The following PIK3C2A variants were observed in gnomAD, a reference collection of about 807,000 sequenced individuals.
PIK3C2A encodes the protein phosphatidylinositol 4-phosphate 3-kinase C2 domain-containing subunit alpha.
A neutral mutation model predicts 204.5 loss-of-function variants in PIK3C2A; 97 were observed. The ratio of observed to expected loss-of-function variants is 0.47; its 90% CI spans 0.40 to 0.56. The LOEUF (loss-of-function observed/expected upper bound fraction) is 0.56, where lower values mean the gene tolerates loss of function less well. Among genes scored for constraint, PIK3C2A ranks in the 20% least tolerant of loss-of-function variants. The probability of loss-of-function intolerance (pLI) is 0.00; values close to 1 mark genes in which losing one functional copy is unlikely to be tolerated. For missense variants in PIK3C2A, 1,735 were observed against 1,969.2 expected (o/e 0.88, Z 2.25); for synonymous variants, 653 against 664.4 (o/e 0.98, Z 0.26).
At chr11:17,097,295 T>G (rs1331313857) in intron 26 of PIK3C2A, 31 bp from the exon 27 acceptor site, 3 of 1,357,612 alleles carry the variant, frequency 2.2e-6, no homozygotes, top group Non-Finnish European at 3.2e-6. Context: ...TCGTTAACAG[T>G]AAATGAGAAC....
chr11:17,155,614 T>A lies in PIK3C2A; in HGVS notation c.1081A>T (p.Thr361Ser). The A allele has an allele frequency of 1.2e-6, 2 of 1,600,280 alleles. No individual in the cohort carries two copies. The highest frequency in any genetic ancestry group is 1.7e-6 in the Non-Finnish European group (2 of 1,168,814). Residue 361 changes from threonine (T) to serine (S), a missense_variant, in exon 3 of 33, where the codon ACC (threonine) becomes TCC (serine). By Grantham distance (58) the Thr-to-Ser change is moderately conservative (BLOSUM62 1). Coordinates refer to ENST00000691414, the MANE Select transcript of PIK3C2A (RefSeq NM_002645.4). The part of the protein sequence containing the change: ...GHISQKDPNG[T>S]SSLPTGSSLL... ...GAACTTCCAGTTGGCAAACTACTGG[T>A]CCCATTTGGGTCTTTCTGTAATTAA... is the stretch of plus-strand genomic sequence containing the variant.
chr11:17,192,187 A>T (rs1364872750), intron 1 of PIK3C2A, among the ~76,000 whole-genome samples: 1 of 152,062 alleles, frequency 6.6e-6, no homozygotes, highest in East Asian at 1.9e-4. Context: ...ATAGAAACAT[A>T]TGGATCCTCT....
At position 17,169,650 on chromosome 11, in the gene PIK3C2A, G is replaced by A. The variant is rs1411266460; in HGVS notation, c.92C>T (p.Ala31Val). The part of the protein sequence containing the change: ...TRAKDVDKEE[A>V]LQMEAEALAK... The stretch of plus-strand genomic sequence containing the variant: ...TAAAGCCTCTGCTTCCATCTGTAAT[G>A]CTTCTTCTTTGTCCACATCTTTTGC... Residue 31 changes from alanine to valine, a missense_variant, in exon 2 of 33, where the codon GCA becomes GTA. Physicochemically the swap from Ala to Val is moderately conservative, Grantham distance 64. Transcript: ENST00000691414. 1 of 1,613,300 alleles carries A rather than the reference G, an allele frequency of 6.2e-7. No individual in the cohort carries two copies. Among genetic ancestry groups the A allele is most frequent in the Non-Finnish European group, 8.5e-7 (1 of 1,179,932 alleles).
intron 5 of PIK3C2A, 76 bp from the exon 6 acceptor site, chr11:17,147,704 A>T: frequency 2.8e-6 from 2 of 718,384 alleles, no homozygotes; most frequent in Non-Finnish European, 4.8e-6. Context: ...TTTAAATTGC[A>T]CCTGCATCAG....
intron 3 of PIK3C2A, among the ~76,000 whole-genome samples, chr11:17,153,189 T>C (rs1296414459): frequency 2.6e-5 from 4 of 152,134 alleles, no homozygotes; most frequent in Non-Finnish European, 5.9e-5. Context: ...GCCAGCACTT[T>C]GGGAGGCCGA....
chr11:17,199,314 T>C (rs1852280861), intron 1 of PIK3C2A, among the ~76,000 whole-genome samples: 1 of 152,150 alleles, frequency 6.6e-6, no homozygotes, highest in South Asian at 2.1e-4. Context: ...TGGAAAACAC[T>C]TTAGTGTTTC....
At chr11:17,131,059 A>G (rs911400833) in intron 12 of PIK3C2A, among the ~76,000 whole-genome samples, 1 of 152,018 alleles carries the variant, frequency 6.6e-6, no homozygotes, top group African/African-American at 2.4e-5. Context: ...GTGGTGGCGC[A>G]TGCCTGTAAT....
rs1165299885 is a variant in PIK3C2A at position 17,119,242 on chromosome 11, T to A, written c.2918A>T (p.Asp973Val). ...IEAISDDELT[D>V]LLPQFVQALK... Reference sequence around the variant, plus strand: ...CACTTGTACAAACTGTGGAAGAAGATCTGTTAGCTCATCATCACTAATGGC... The same window carrying A: ...CACTTGTACAAACTGTGGAAGAAGAACTGTTAGCTCATCATCACTAATGGC... Residue 973 changes from aspartate (D) to valine (V), a missense_variant, in exon 17 of 33, where the codon GAT becomes GTT. Coordinates refer to ENST00000691414, the MANE Select transcript of PIK3C2A (RefSeq NM_002645.4). 6.3e-7 allele frequency: 1 copy of A among 1,596,114 alleles called. No homozygotes were observed. The highest frequency in any genetic ancestry group is 1.1e-5 in the South Asian group (1 of 89,902).
At chr11:17,137,171 C>T (rs1234052565) in intron 8 of PIK3C2A, among the ~76,000 whole-genome samples, 3 of 151,998 alleles carry the variant, frequency 2.0e-5, no homozygotes, top group African/African-American at 7.2e-5. Context: ...AGTACTATAC[C>T]ACCCCTTAAA....
chr11:17,112,711 G>A (rs762829470), intron 20 of PIK3C2A, 45 bp from the exon 21 acceptor site: 4 of 1,031,066 alleles, frequency 3.9e-6, no homozygotes, highest in Non-Finnish European at 5.6e-6. Flanking sequence ...AATGAAAATG[G>A]ATTTAGAATT....
chr11:17,147,391 T>C, intron 6 of PIK3C2A, 126 bp downstream of exon 6: 1 of 607,926 alleles, frequency 1.6e-6, no homozygotes, highest in Non-Finnish European at 3.0e-6. Context: ...AGATTCCTGT[T>C]GAGGATGAGT....
At chr11:17,122,838 G>T in intron 13 of PIK3C2A, 25 bp from the exon 14 acceptor site, 1 of 941,800 alleles carries the variant, frequency 1.1e-6, no homozygotes, top group Non-Finnish European at 1.7e-6. Flanking sequence ...AAATAATAAT[G>T]TGATTTTCAT....
intron 11 of PIK3C2A, among the ~76,000 whole-genome samples, chr11:17,132,396 C>A (rs1849727646): frequency 7.1e-6 from 1 of 140,360 alleles, no homozygotes; most frequent in Non-Finnish European, 1.5e-5. Flanking sequence ...GTGGCGCAAT[C>A]TCGGCTCACT....
At chr11:17,100,370 T>C (rs1262804177) in intron 25 of PIK3C2A, among the ~76,000 whole-genome samples, 1 of 151,598 alleles carries the variant, frequency 6.6e-6, no homozygotes, top group Non-Finnish European at 1.5e-5. Flanking sequence ...CGTACCACTA[T>C]GCCTGGCGAA....
At chr11:17,165,770 T>C (rs1412370688) in intron 2 of PIK3C2A, among the ~76,000 whole-genome samples, 1 of 79,894 alleles carries the variant, frequency 1.3e-5, no homozygotes, top group African/African-American at 5.3e-5. Flanking sequence ...AGAGAAACTG[T>C]CTCAAAAAAG....
At chr11:17,137,423 C>CTTTTTTTTTTT (rs33912263) in intron 8 of PIK3C2A, among the ~76,000 whole-genome samples, 1,664 of 124,916 alleles carry the variant, frequency 0.013, 73 homozygotes, top group African/African-American at 0.024. Flanking sequence ...ATTACTTTGC[C>CTTTTTTTTTTT]TTTTTTTTTG....
chr11:17,126,027 G>C (rs987588152), intron 13 of PIK3C2A, among the ~76,000 whole-genome samples: 1 of 152,052 alleles, frequency 6.6e-6, no homozygotes, highest in Non-Finnish European at 1.5e-5. Flanking sequence ...TGGAGGCTGA[G>C]GCATGAGAAT....
chr11:17,157,752 C>T (rs1488932), intron 2 of PIK3C2A, among the ~76,000 whole-genome samples: 2 of 152,110 alleles, frequency 1.3e-5, no homozygotes, highest in Admixed American at 1.3e-4. Flanking sequence ...TTGTATTGAC[C>T]TCAGTCTCAT....
chr11:17,100,065 CA>C lies in PIK3C2A; in HGVS notation c.4009-97del. ...GCTGCTCAAGTAATCAGAACTAAAG[CA>C]AACAAAAATAATCAGTCTTGAGGGG... On this transcript the variant is annotated intron_variant, in intron 25 of 32. Coordinates refer to ENST00000691414, the MANE Select transcript of PIK3C2A (RefSeq NM_002645.4). 3 of 658,384 alleles carry C rather than the reference CA, an allele frequency of 4.6e-6. No individual in the cohort carries two copies. The South Asian group carries it at 5.4e-5, about 12-fold the overall frequency. The allele number at this position is 658,384 out of a possible 1,614,324, so 40.8% of individuals were successfully genotyped here. A position where few individuals can be genotyped will look rare whatever the true frequency, so the allele number is the denominator to read the frequency against.
Sources: gnomAD v4.1 joint callset for allele counts (sites outside exome capture counted in the v4.1 genomes callset) on GRCh38, gnomAD v4.1.1 for gene constraint, MANE v1.5 for transcripts, NCBI Gene and HGNC (gene_info 2026-07-23, HGNC 2026-07-21) for gene names.